The following HSDL2 variants were observed in gnomAD, a reference collection of about 807,000 sequenced individuals.
HSDL2 encodes hydroxysteroid dehydrogenase-like protein 2.
HSDL2 carries 27 observed loss-of-function variants against 46.3 expected under a neutral mutation model. That is an observed-to-expected ratio of 0.58 (90% CI 0.43 to 0.80). The LOEUF is 0.80. HSDL2 is among the 30% of genes least tolerant of loss of function. HSDL2 has a pLI of 0.00. For missense variants in HSDL2, 451 were observed against 502.7 expected, an observed-to-expected ratio of 0.90 and a Z score of 0.98; for synonymous variants, 153 against 163.6, an observed-to-expected ratio of 0.94 and a Z score of 0.50.
intron 6 of HSDL2, among the ~76,000 whole-genome samples, chr9:112,437,545 G>A (rs7866567): frequency 0.28 from 39,635 of 142,652 alleles, 5,357 homozygotes; most frequent in Admixed American, 0.39. Flanking sequence ...GGTATTGTTG[G>A]TTCAGTGAAT....
chr9:112,395,269 G>A (rs564503882), intron 1 of HSDL2, among the ~76,000 whole-genome samples: 1 of 152,208 alleles, frequency 6.6e-6, no homozygotes, highest in South Asian at 2.1e-4. Context: ...GATCTCACCA[G>A]GTATGAGGGC....
chr9:112,423,043 G>A (rs765602797), intron 6 of HSDL2, among the ~76,000 whole-genome samples: 2 of 152,132 alleles, frequency 1.3e-5, no homozygotes, highest in Non-Finnish European at 2.9e-5. Flanking sequence ...TTGTAGAAAG[G>A]GCTGTTAACC....
chr9:112,404,164 T>G lies in HSDL2; in HGVS notation c.181+6T>G, dbSNP rs370600601. Reference sequence around the variant, plus strand: ...CTATACTGCTGCTGAAGAAAGTGAGTGTGACAGTGCCATTTGATAAAATGT... The same window carrying G: ...CTATACTGCTGCTGAAGAAAGTGAGGGTGACAGTGCCATTTGATAAAATGT... On this transcript the variant is annotated splice_donor_region_variant and intron_variant, in intron 2 of 10. Transcript: ENST00000398805. 3 of 1,612,514 alleles carry G rather than the reference T, an allele frequency of 1.9e-6. 1 individual carries two copies. Among genetic ancestry groups the G allele is most frequent in the Admixed American group, 1.7e-5 (1 of 59,834 alleles).
chr9:112,403,539 T>C (rs900376870), intron 1 of HSDL2, among the ~76,000 whole-genome samples: 1 of 152,252 alleles, frequency 6.6e-6, no homozygotes, highest in African/African-American at 2.4e-5. Flanking sequence ...GAACAATTAT[T>C]TGCTTTTAGG....
At chr9:112,447,716 T>C (rs1330261079) in intron 8 of HSDL2, among the ~76,000 whole-genome samples, 2 of 152,144 alleles carry the variant, frequency 1.3e-5, no homozygotes, top group African/African-American at 2.4e-5. Flanking sequence ...TTGCTAAACA[T>C]AGAAGGAAAT....
chr9:112,441,598 C>A, intron 7 of HSDL2, 101 bp from the exon 8 acceptor site: 2 of 727,498 alleles, frequency 2.7e-6, no homozygotes, highest in Non-Finnish European at 4.5e-6. Flanking sequence ...TCTTTTGCAC[C>A]AGAAAGATTT....
chr9:112,424,666 A>G (rs1408380051), intron 6 of HSDL2, among the ~76,000 whole-genome samples: 3 of 152,078 alleles, frequency 2.0e-5, no homozygotes, highest in Non-Finnish European at 1.5e-5. Flanking sequence ...TTTAGAGTAT[A>G]TAAGTCACCA....
chr9:112,456,235 T>C (rs1290216645), intron 9 of HSDL2, among the ~76,000 whole-genome samples: 5 of 152,196 alleles, frequency 3.3e-5, no homozygotes, highest in Admixed American at 6.5e-5. Context: ...ACAGCCCATC[T>C]TTTTTCTCCT....
intron 1 of HSDL2, among the ~76,000 whole-genome samples, chr9:112,386,398 T>G (rs1448858599): frequency 6.6e-6 from 1 of 152,146 alleles, no homozygotes; most frequent in Non-Finnish European, 1.5e-5. Flanking sequence ...GATGATATTA[T>G]CCTGCACAGA....
chr9:112,458,117 G>A (rs1356999303), intron 9 of HSDL2, among the ~76,000 whole-genome samples: 1 of 144,674 alleles, frequency 6.9e-6, no homozygotes, highest in East Asian at 2.0e-4. Context: ...TTTTTTTTCA[G>A]TTCCTCACAC....
chr9:112,389,642 C>T (rs977000287), intron 1 of HSDL2, among the ~76,000 whole-genome samples: 1 of 152,092 alleles, frequency 6.6e-6, no homozygotes, highest in African/African-American at 2.4e-5. Context: ...TGGAATTATA[C>T]CATGTTCATG....
chr9:112,451,866 T>C (rs1832892384), intron 8 of HSDL2, among the ~76,000 whole-genome samples: 2 of 152,114 alleles, frequency 1.3e-5, no homozygotes, highest in South Asian at 4.1e-4. Flanking sequence ...TGTTAGCAAT[T>C]AGGAGGGGTT....
chr9:112,416,412 A>G (rs1587942260), intron 4 of HSDL2, among the ~76,000 whole-genome samples: 1 of 151,304 alleles, frequency 6.6e-6, no homozygotes, highest in African/African-American at 2.4e-5. Context: ...CTGGCAACAG[A>G]GAGACCCTGT....
intron 4 of HSDL2, among the ~76,000 whole-genome samples, chr9:112,411,313 T>A (rs544005538): frequency 6.6e-6 from 1 of 152,372 alleles, no homozygotes; most frequent in Admixed American, 6.5e-5. Context: ...AAGGCATATT[T>A]CTATAAATTC....
intron 6 of HSDL2, among the ~76,000 whole-genome samples, chr9:112,432,177 G>A (rs987855926): frequency 3.3e-5 from 5 of 151,804 alleles, no homozygotes; most frequent in Admixed American, 1.3e-4. Context: ...CCACTGTGCC[G>A]AGCCTAGGTA....
chr9:112,398,628 G>A (rs1301598186), intron 1 of HSDL2, among the ~76,000 whole-genome samples: 1 of 152,036 alleles, frequency 6.6e-6, no homozygotes, highest in Non-Finnish European at 1.5e-5. Flanking sequence ...AGGGTCACCA[G>A]ACACAGAAAA....
chr9:112,423,741 A>G (rs1832180261), intron 6 of HSDL2, among the ~76,000 whole-genome samples: 1 of 147,162 alleles, frequency 6.8e-6, no homozygotes, highest in Non-Finnish European at 1.5e-5. Flanking sequence ...TTTGAGACAG[A>G]GTCTCACTCT....
At chr9:112,463,179 G>A (rs1351944986) in intron 10 of HSDL2, among the ~76,000 whole-genome samples, 1 of 151,660 alleles carries the variant, frequency 6.6e-6, no homozygotes, top group East Asian at 1.9e-4. Flanking sequence ...CATGTTATCA[G>A]TATGGATATT....
chr9:112,439,068 T>G (rs1375064672), intron 7 of HSDL2, among the ~76,000 whole-genome samples: 1 of 152,174 alleles, frequency 6.6e-6, no homozygotes. Flanking sequence ...TGGCGCAATC[T>G]CAGCTCACTG....
Sources: allele counts gnomAD v4.1 joint callset (sites outside exome capture counted in the v4.1 genomes callset), GRCh38; gene constraint gnomAD v4.1.1; transcripts MANE v1.5; gene names NCBI Gene and HGNC (gene_info 2026-07-23, HGNC 2026-07-21).